The following DBN1 variants were observed in gnomAD, a reference collection of about 807,000 sequenced individuals.
The protein encoded by DBN1 is drebrin.
In DBN1, 21 loss-of-function variants were observed where a neutral mutation model predicts 83.5. That is an observed-to-expected ratio of 0.25 (90% confidence interval 0.18 to 0.36). The LOEUF (loss-of-function observed/expected upper bound fraction) is 0.36. Ranked by LOEUF, DBN1 falls within the 10% of genes least tolerant of loss-of-function variation. The pLI is 1.00. For missense variants in DBN1, 874 were observed against 935.7 expected (o/e 0.93, Z 0.86); for synonymous variants, 381 against 384.9 (o/e 0.99, Z 0.12).
At chr5:177,461,256 G>A (rs1469190688) in intron 8 of DBN1, among the ~76,000 whole-genome samples, 1 of 151,304 alleles carries the variant, frequency 6.6e-6, no homozygotes, top group East Asian at 1.9e-4. Flanking sequence ...CCGCCACTAC[G>A]CCCGGCTAAT....
rs574786682 is a variant in DBN1 at position 177,473,498 on chromosome 5, G to A, written c.24C>T (p.Gly8=). Residue 8 remains glycine, a synonymous_variant, in exon 1 of 15, where the codon GGC becomes GGT. Coordinates refer to ENST00000393565, the MANE Select transcript of DBN1 (RefSeq NM_001363541.2). ...AAGCCGCCAGCAGCTCCAGGCGGTG[G>A]CCGCTGAAGCTGACGCCGGCCATGC... The part of the protein sequence containing the change: MAGVSFS[G]HRLELLAAYE... 27 of 1,432,826 alleles carry A rather than the reference G, an allele frequency of 1.9e-5. No individual in the cohort carries two copies. The highest frequency in any genetic ancestry group is 2.3e-5 in the Non-Finnish European group (25 of 1,085,522). 88.8% of individuals were successfully genotyped at this position (1,432,826 alleles called of 1,614,324 possible).
intron 2 of DBN1, chr5:177,468,556 G>A (rs767942630): frequency 4.4e-6 from 2 of 457,868 alleles, no homozygotes; most frequent in Non-Finnish European, 7.7e-6. Context: ...TCTGGGGAAG[G>A]CGGTGAATAG....
rs1267465096 is a variant in DBN1 at position 177,459,121 on chromosome 5, G to A, written c.1241C>T (p.Pro414Leu). ...ACCTTGGGCTGGTGGGGGTGGCGGTGGCAGTGGTGGAGGCTGCGAGGAGGT... is the reference window on the plus strand; with the variant it reads ...ACCTTGGGCTGGTGGGGGTGGCGGTAGCAGTGGTGGAGGCTGCGAGGAGGT... ...EVTSSQPPPL[P>L]PPPPPAQETQ... The change falls in exon 12 of 15, where the codon CCA (proline) becomes CTA (leucine). Residue 414 changes from proline to leucine, a missense_variant. By Grantham distance (98) the Pro-to-Leu change is moderately conservative. Around this residue, in one of 4 missense-constraint regions of DBN1, gnomAD observed 725 missense variants for 719.7 expected, o/e 1.01. Transcript: ENST00000393565. 2 of 1,610,568 alleles carry A rather than the reference G, an allele frequency of 1.2e-6. No individual in the cohort carries two copies. The highest frequency in any genetic ancestry group is 1.3e-5 in the African/African-American group (1 of 74,768).
In DBN1 at chr5:177,462,199, C is replaced by A. The variant is rs571849799; in HGVS notation, c.772-1496G>T. On this transcript the variant is annotated intron_variant, in intron 8 of 14. Transcript: ENST00000393565. ...AGCCGTCACCTCTCCAACACCACCC[C>A]CTGCCGGCCCCCACCCCAAGGCTCC... 6 of 984,868 alleles carry A rather than the reference C, an allele frequency of 6.1e-6. No individual in the cohort carries two copies. The African/African-American group carries it at 7.0e-5, about 11-fold the overall frequency. 61.0% of individuals were successfully genotyped at this position (984,868 alleles called of 1,614,324 possible). A position where few individuals can be genotyped will look rare whatever the true frequency, so the allele number is the denominator to read the frequency against.
intron 1 of DBN1, chr5:177,472,131 A>C: frequency 1.2e-6 from 2 of 1,611,134 alleles, no homozygotes; most frequent in Non-Finnish European, 1.7e-6. Context: ...GCAGGACACG[A>C]GAGCTTGTCT....
At chr5:177,462,253 C>T (rs1298457727) in intron 8 of DBN1, 1 of 985,234 alleles carries the variant, frequency 1.0e-6, no homozygotes, top group Non-Finnish European at 1.2e-6. Flanking sequence ...GACATCAAGT[C>T]CTCAGCACGA....
Position 177,459,087 on chromosome 5 carries a change from C to A in DBN1, c.1264+11G>T. On this transcript the variant is annotated intron_variant, in intron 12 of 14. Transcript: ENST00000393565. ...ATGGGAGGCCTGGTGCAGGTAGCAT[C>A]CCTCTCTCACCTTGGGCTGGTGGGG... The A allele has an allele frequency of 1.9e-6, 3 of 1,594,348 alleles. No homozygotes were observed. The East Asian group carries it at 6.8e-5, about 36-fold the overall frequency.
Position 177,458,244 on chromosome 5 carries a change from A to T in DBN1, c.1728T>A (p.Leu576=). 6.2e-7 allele frequency: 1 copy of T among 1,613,610 alleles called. No individual in the cohort carries two copies. The highest frequency in any genetic ancestry group is 8.5e-7 in the Non-Finnish European group (1 of 1,179,970). The change falls in exon 13 of 15, where the codon CTT becomes CTA. Residue 576 remains leucine, a synonymous_variant. Coordinates refer to ENST00000393565, the MANE Select transcript of DBN1 (RefSeq NM_001363541.2). The part of the protein sequence containing the change: ...LLPAGEGCAT[L]LNFDELPEPP... ...GCTCAGGCAGCTCATCAAAGTTGAG[A>T]AGGGTGGCACAGCCTTCGCCTGCTG... is the stretch of plus-strand genomic sequence containing the variant.
intron 14 of DBN1, 43 bp downstream of exon 14, chr5:177,457,612 C>T: frequency 1.3e-6 from 2 of 1,528,240 alleles, no homozygotes; most frequent in East Asian, 2.3e-5. Context: ...TCAAATCCAG[C>T]CCCCGCACCC....
intron 12 of DBN1, 146 bp downstream of exon 12, chr5:177,458,952 C>A: frequency 7.2e-7 from 1 of 1,387,198 alleles, no homozygotes; most frequent in Non-Finnish European, 9.5e-7. Context: ...TACACCAGGG[C>A]TCCTCCCCAC....
In DBN1 at chr5:177,466,373, T is replaced by C. The variant is rs1332540989; in HGVS notation, c.771+399A>G. On this transcript the variant is annotated intron_variant, in intron 8 of 14. Transcript: ENST00000393565. This position sits in a 1 kb window ranked among gnomAD's most constrained non-coding sequence, Gnocchi z 4.8. ...CAGGGAGATGCTGCTCCCAAGGAGA[T>C]GGTACACACTGCCTGCAGATGCTCA... Among the ~76,000 whole-genome samples the C allele has an allele frequency of 1.3e-5, 2 of 152,106 alleles. No homozygotes were observed. The highest frequency in any genetic ancestry group is 2.9e-5 in the Non-Finnish European group (2 of 68,018).
Position 177,458,427 on chromosome 5 carries a change from G to T in DBN1, c.1545C>A (p.Pro515=). The change falls in exon 13 of 15, where the codon CCC becomes CCA. Residue 515 remains proline, a synonymous_variant. Coordinates refer to ENST00000393565, the MANE Select transcript of DBN1 (RefSeq NM_001363541.2). ...TADTTVANNV[P]PAATSLIDLW... ...GGTCAATGAGGCTGGTGGCGGCGGG[G>T]GGTACGTTGTTGGCAACAGTGGTGT... 6.2e-7 allele frequency: 1 copy of T among 1,614,204 alleles called. No individual in the cohort carries two copies. Among genetic ancestry groups the T allele is most frequent in the Non-Finnish European group, 8.5e-7 (1 of 1,180,012 alleles).
Position 177,468,192 on chromosome 5 carries a change from G to A in DBN1, c.171C>T (p.His57=). ...GEGGLQELSG[H]FENQKVMYGF... is the part of the protein sequence containing the mutation. ...CGTACATCACCTTCTGGTTCTCAAA[G>A]TGTCCCGAAAGCTCCTGCAAGCCCC... The change falls in exon 3 of 15, where the codon CAC becomes CAT. Residue 57 remains histidine (H), a synonymous_variant. Coordinates refer to ENST00000393565, the MANE Select transcript of DBN1 (RefSeq NM_001363541.2). 1 of 1,614,172 alleles carries A rather than the reference G, an allele frequency of 6.2e-7. No individual in the cohort carries two copies. The highest frequency in any genetic ancestry group is 8.5e-7 in the Non-Finnish European group (1 of 1,180,028).
At position 177,459,249 on chromosome 5, in the gene DBN1, G is replaced by A; in HGVS notation, c.1113C>T (p.His371=). Residue 371 remains histidine (H), a synonymous_variant, in exon 12 of 15, where the codon CAC becomes CAT. Transcript: ENST00000393565. ...SSLPCSHLDS[H]RRMAPTPIPT... is the part of the protein sequence containing the mutation. Reference sequence around the variant, plus strand: ...GGATGGGAGTGGGCGCCATCCTCCGGTGGCTGTCCAGGTGGCTGCCTGTGG... The same window carrying A: ...GGATGGGAGTGGGCGCCATCCTCCGATGGCTGTCCAGGTGGCTGCCTGTGG... 1 of 1,609,084 alleles carries A rather than the reference G, an allele frequency of 6.2e-7. No homozygotes were observed. Among genetic ancestry groups the A allele is most frequent in the Non-Finnish European group, 8.5e-7 (1 of 1,179,222 alleles).
intron 10 of DBN1, 112 bp from the exon 11 acceptor site, chr5:177,459,852 T>C (rs1756883734): frequency 3.2e-6 from 4 of 1,237,252 alleles, no homozygotes; most frequent in Non-Finnish European, 3.2e-6. Flanking sequence ...ATGTCCAAGC[T>C]GCCTTCAGCC....
chr5:177,470,394 C>G (rs1325450665), intron 1 of DBN1, among the ~76,000 whole-genome samples: 1 of 152,168 alleles, frequency 6.6e-6, no homozygotes, highest in Admixed American at 6.5e-5. Flanking sequence ...TCTGAGAGGA[C>G]CTGTCTTGGC....
At chr5:177,462,406 G>A in intron 8 of DBN1, 1 of 985,452 alleles carries the variant, frequency 1.0e-6, no homozygotes, top group South Asian at 4.7e-5. Flanking sequence ...TGCTTCCTGG[G>A]GAAGGACCTC....
chr5:177,464,633 A>ATAAATAAG (rs1757288235), intron 8 of DBN1, among the ~76,000 whole-genome samples: 1 of 146,334 alleles, frequency 6.8e-6, no homozygotes. Flanking sequence ...AAATAAATAA[A>ATAAATAAG]TAAATAAATA....
rs1350749295 is a variant in DBN1 at position 177,466,257 on chromosome 5, T to G, written c.771+515A>C. On this transcript the variant is annotated intron_variant, in intron 8 of 14. Transcript: ENST00000393565. The surrounding 1 kb of genome is among the most constrained non-coding windows in gnomAD (Gnocchi z 4.8). ...TCAAAGCATGGAGATGTGACTCTGC[T>G]GTGATTCTCAGGGACCAATCCACAG... Among the ~76,000 whole-genome samples, 1 of 152,250 alleles carries G rather than the reference T, an allele frequency of 6.6e-6. No homozygotes were observed. The highest frequency in any genetic ancestry group is 1.5e-5 in the Non-Finnish European group (1 of 68,048).
Sources: gnomAD v4.1 joint callset for allele counts (sites outside exome capture counted in the v4.1 genomes callset) on GRCh38, gnomAD v4.1.1 for gene constraint, gnomAD v4.1.1 regional missense constraint, Gnocchi (gnomAD v3.1) non-coding constraint, MANE v1.5 for transcripts, NCBI Gene and HGNC (gene_info 2026-07-23, HGNC 2026-07-21) for gene names.